The following SORCS2 variants were observed in gnomAD, a reference collection of about 807,000 sequenced individuals.
SORCS2 encodes sortilin related VPS10 domain containing receptor 2.
Under a neutral mutation model 141.6 loss-of-function variants are expected in SORCS2, and 100 were observed. The observed-to-expected ratio is 0.71, with a 90% CI of 0.60 to 0.83. The LOEUF (loss-of-function observed/expected upper bound fraction) is 0.83. Among genes scored for constraint, SORCS2 ranks in the 40% least tolerant of loss-of-function variants. The probability of loss-of-function intolerance (pLI) is 0.00; values close to 1 mark genes in which losing one functional copy is unlikely to be tolerated. For missense variants in SORCS2, 1,646 were observed against 1,560.2 expected (o/e 1.05, Z -0.93); for synonymous variants, 789 against 676.9 (o/e 1.17, Z -2.57).
intron 4 of SORCS2, among the ~76,000 whole-genome samples, chr4:7,643,256 A>G (rs548830391): frequency 6.6e-6 from 1 of 152,316 alleles, no homozygotes; most frequent in South Asian, 2.1e-4. Context: ...CGACTGCAGT[A>G]GGCTCTTGGG....
chr4:7,386,118 C>G (rs1402435701), intron 1 of SORCS2, among the ~76,000 whole-genome samples: 1 of 151,924 alleles, frequency 6.6e-6, no homozygotes. Context: ...TGGACATACA[C>G]ATATGTACAC....
At chr4:7,619,862 A>T (rs1370061611) in intron 3 of SORCS2, among the ~76,000 whole-genome samples, 4 of 152,004 alleles carry the variant, frequency 2.6e-5, no homozygotes, top group Non-Finnish European at 4.4e-5. Context: ...TGCGTGTGTG[A>T]CGTGAAACGC....
intron 4 of SORCS2, among the ~76,000 whole-genome samples, chr4:7,652,373 C>A (rs1721499432): frequency 6.6e-6 from 1 of 152,200 alleles, no homozygotes; most frequent in Non-Finnish European, 1.5e-5. Context: ...GATCTCCAGG[C>A]CAGAGCACTG....
At chr4:7,344,171 C>T (rs756236695) in intron 1 of SORCS2, among the ~76,000 whole-genome samples, 1 of 152,250 alleles carries the variant, frequency 6.6e-6, no homozygotes, top group African/African-American at 2.4e-5. Flanking sequence ...ACTTAACTAA[C>T]TATCAGGCAG....
intron 1 of SORCS2, among the ~76,000 whole-genome samples, chr4:7,373,717 C>T (rs1722427995): frequency 2.0e-5 from 3 of 151,608 alleles, no homozygotes; most frequent in East Asian, 2.0e-4. Flanking sequence ...GTCTCGAACT[C>T]CTGACCTCAA....
chr4:7,353,090 A>T (rs987873375), intron 1 of SORCS2, among the ~76,000 whole-genome samples: 1 of 152,112 alleles, frequency 6.6e-6, no homozygotes, highest in Non-Finnish European at 1.5e-5. Context: ...GTGCCTGGCA[A>T]TGGTTCTCAC....
chr4:7,721,398 G>T (rs1313125163), intron 18 of SORCS2, among the ~76,000 whole-genome samples: 1 of 152,108 alleles, frequency 6.6e-6, no homozygotes, highest in Admixed American at 6.5e-5. Flanking sequence ...CCTGGGAGTC[G>T]GAGGTTGCAG....
At chr4:7,643,551 G>A (rs1720870928) in intron 4 of SORCS2, among the ~76,000 whole-genome samples, 1 of 152,210 alleles carries the variant, frequency 6.6e-6, no homozygotes, top group African/African-American at 2.4e-5. Flanking sequence ...CTTTGGGTGG[G>A]CAATCAGGGA....
intron 2 of SORCS2, among the ~76,000 whole-genome samples, chr4:7,481,770 G>C (rs1730649013): frequency 6.6e-6 from 1 of 152,130 alleles, no homozygotes; most frequent in South Asian, 2.1e-4. Flanking sequence ...AGAGAACCCA[G>C]GGAAATGCTG....
At chr4:7,214,286 A>T (rs1454846582) in intron 1 of SORCS2, among the ~76,000 whole-genome samples, 3 of 152,116 alleles carry the variant, frequency 2.0e-5, no homozygotes, top group African/African-American at 7.2e-5. Flanking sequence ...GGAATGGATT[A>T]ATGCTGTTGT....
chr4:7,548,089 G>T (rs962685266), intron 3 of SORCS2, among the ~76,000 whole-genome samples: 16 of 152,322 alleles, frequency 1.1e-4, no homozygotes, highest in Non-Finnish European at 5.9e-5. Flanking sequence ...TGAAAGCAAG[G>T]AGGAGAACAT....
chr4:7,629,748 C>T (rs890938255), intron 3 of SORCS2, among the ~76,000 whole-genome samples: 3 of 151,986 alleles, frequency 2.0e-5, no homozygotes, highest in Admixed American at 6.6e-5. Context: ...AGCCCAGCCC[C>T]ATATATCAAA....
chr4:7,643,562 A>G (rs2158275), intron 4 of SORCS2, among the ~76,000 whole-genome samples: 83,466 of 152,156 alleles, frequency 0.55, 26,302 homozygotes, highest in East Asian at 0.93. Context: ...CAATCAGGGA[A>G]GACTTCCTGG....
intron 2 of SORCS2, among the ~76,000 whole-genome samples, chr4:7,501,037 C>G (rs1731946210): frequency 6.6e-6 from 1 of 152,242 alleles, no homozygotes; most frequent in South Asian, 2.1e-4. Context: ...GCATCTCGCA[C>G]AGGTGATTTC....
intron 2 of SORCS2, among the ~76,000 whole-genome samples, chr4:7,447,897 T>C (rs1728100475): frequency 2.0e-5 from 3 of 152,176 alleles, no homozygotes; most frequent in African/African-American, 7.2e-5. Context: ...GCAGAGGTGT[T>C]TCTCCCCTCC....
intron 2 of SORCS2, among the ~76,000 whole-genome samples, chr4:7,413,215 G>A (rs1356645704): frequency 6.6e-6 from 1 of 151,776 alleles, no homozygotes; most frequent in African/African-American, 2.4e-5. Flanking sequence ...TCATAAACAC[G>A]GCGTAAAAAC....
At position 7,741,077 on chromosome 4, in the gene SORCS2, G is replaced by A; in HGVS notation, c.*813G>A. Reference sequence around the variant, plus strand: ...ACCAGCAAGCAGCACCATCCCGCAGGCTTCTCCCACCTGATGGCTGTTCTC... The same window carrying A: ...ACCAGCAAGCAGCACCATCCCGCAGACTTCTCCCACCTGATGGCTGTTCTC... On this transcript the variant is annotated 3_prime_UTR_variant, in exon 27 of 27. Coordinates refer to ENST00000507866, the MANE Select transcript of SORCS2 (RefSeq NM_020777.3). 1 of 398,858 alleles carries A rather than the reference G, an allele frequency of 2.5e-6. No individual in the cohort carries two copies. Among genetic ancestry groups the A allele is most frequent in the Non-Finnish European group, 4.4e-6 (1 of 226,290 alleles). 24.7% of individuals were successfully genotyped at this position (398,858 alleles called of 1,614,324 possible).
chr4:7,465,810 A>T (rs1463735225), intron 2 of SORCS2, among the ~76,000 whole-genome samples: 2 of 152,218 alleles, frequency 1.3e-5, no homozygotes, highest in Non-Finnish European at 2.9e-5. Flanking sequence ...ATGGCTTATT[A>T]GCCGCTGCTG....
At chr4:7,209,999 G>A (rs894182572) in intron 1 of SORCS2, among the ~76,000 whole-genome samples, 9 of 152,244 alleles carry the variant, frequency 5.9e-5, no homozygotes, top group Non-Finnish European at 1.3e-4. Flanking sequence ...AGCCCTCTGG[G>A]ACGGGAGCAG....
Sources: gnomAD v4.1 joint callset for allele counts (sites outside exome capture counted in the v4.1 genomes callset) on GRCh38, gnomAD v4.1.1 for gene constraint, MANE v1.5 for transcripts, NCBI Gene and HGNC (gene_info 2026-07-23, HGNC 2026-07-21) for gene names.